L3MBTL4: variants seen among roughly 807,000 people sequenced by gnomAD.
L3MBTL4 encodes the protein lethal(3)malignant brain tumor-like protein 4.
L3MBTL4 carries 70 observed loss-of-function variants against 84.5 expected under a neutral mutation model. The observed-to-expected ratio is 0.83, with a 90% CI of 0.68 to 1.01. The LOEUF is 1.01. Ranked by LOEUF, L3MBTL4 falls within the 50% of genes least tolerant of loss-of-function variation. The probability of loss-of-function intolerance (pLI) is 0.00; values close to 1 mark genes in which losing one functional copy is unlikely to be tolerated. For missense variants in L3MBTL4, 715 were observed against 754.8 expected, an observed-to-expected ratio of 0.95 and a Z score of 0.62; for synonymous variants, 274 against 259.8, an observed-to-expected ratio of 1.05 and a Z score of -0.52.
At chr18:5,987,220 C>T (rs1312617540) in intron 16 of L3MBTL4, among the ~76,000 whole-genome samples, 1 of 152,174 alleles carries the variant, frequency 6.6e-6, no homozygotes, top group Non-Finnish European at 1.5e-5. Context: ...CTTTTGACTT[C>T]CCTAGGGAAG....
At chr18:6,172,308 A>C (rs572076884) in intron 12 of L3MBTL4, among the ~76,000 whole-genome samples, 3 of 152,194 alleles carry the variant, frequency 2.0e-5, no homozygotes, top group African/African-American at 7.2e-5. Flanking sequence ...CCATGTCAGC[A>C]TCATCAACAG....
chr18:6,030,505 T>G, intron 16 of L3MBTL4: 6 of 860,198 alleles, frequency 7.0e-6, no homozygotes, highest in Non-Finnish European at 8.1e-6. Context: ...GAGACTCTTT[T>G]TTTTTTTTTT....
chr18:6,309,459 A>G (rs574499748), intron 3 of L3MBTL4, among the ~76,000 whole-genome samples: 3 of 152,226 alleles, frequency 2.0e-5, no homozygotes, highest in Non-Finnish European at 4.4e-5. Context: ...GCCCTTTAAA[A>G]TATTATTTTG....
intron 16 of L3MBTL4, among the ~76,000 whole-genome samples, chr18:6,042,553 T>A (rs540807227): frequency 6.6e-6 from 1 of 152,286 alleles, no homozygotes; most frequent in South Asian, 2.1e-4. Context: ...TGTTATTCAA[T>A]CCAACACAAT....
chr18:6,343,904 C>A (rs1157033455), intron 1 of L3MBTL4, among the ~76,000 whole-genome samples: 1 of 148,378 alleles, frequency 6.7e-6, no homozygotes. Flanking sequence ...GCAGCAAAAG[C>A]AGTGCTAAAA....
intron 16 of L3MBTL4, among the ~76,000 whole-genome samples, chr18:6,006,786 A>G (rs2054506898): frequency 6.6e-6 from 1 of 152,212 alleles, no homozygotes. Flanking sequence ...GGAAGTTCAC[A>G]AATAGACCAA....
At chr18:6,134,546 T>A (rs1362668489) in intron 14 of L3MBTL4, among the ~76,000 whole-genome samples, 3 of 152,100 alleles carry the variant, frequency 2.0e-5, no homozygotes, top group African/African-American at 7.2e-5. Context: ...AGGTACTGGG[T>A]AAATACAGCT....
At chr18:6,100,749 T>C (rs1266581779) in intron 14 of L3MBTL4, among the ~76,000 whole-genome samples, 4 of 152,180 alleles carry the variant, frequency 2.6e-5, no homozygotes, top group Non-Finnish European at 5.9e-5. Flanking sequence ...CCATGTGGCT[T>C]CCATTGGCAC....
chr18:6,167,337 A>T (rs1425075790), intron 13 of L3MBTL4, among the ~76,000 whole-genome samples: 4 of 152,356 alleles, frequency 2.6e-5, no homozygotes, highest in African/African-American at 9.6e-5. Context: ...TGAGGCCAGC[A>T]TCATCCTGAT....
intron 14 of L3MBTL4, among the ~76,000 whole-genome samples, chr18:6,121,471 G>A (rs535598211): frequency 6.2e-4 from 94 of 152,286 alleles, no homozygotes; most frequent in African/African-American, 2.1e-3. Flanking sequence ...AAATGAGAAT[G>A]AGATGAAGGG....
At chr18:6,248,610 G>A (rs956587052) in intron 5 of L3MBTL4, among the ~76,000 whole-genome samples, 8 of 152,106 alleles carry the variant, frequency 5.3e-5, no homozygotes, top group East Asian at 1.9e-4. Flanking sequence ...TTATGCTTCC[G>A]AAGCTTCTTT....
chr18:6,353,747 A>G (rs992627817), intron 1 of L3MBTL4, among the ~76,000 whole-genome samples: 8 of 152,146 alleles, frequency 5.3e-5, no homozygotes, highest in African/African-American at 1.9e-4. Flanking sequence ...GATCTCTATA[A>G]TGAAAATTAT....
chr18:6,402,004 G>A (rs1233652828), intron 1 of L3MBTL4, among the ~76,000 whole-genome samples: 1 of 152,200 alleles, frequency 6.6e-6, no homozygotes, highest in Non-Finnish European at 1.5e-5. Context: ...ACTTCTCTAA[G>A]CCCATAGCTT....
intron 16 of L3MBTL4, chr18:6,032,244 T>A (rs1346353536): frequency 3.6e-6 from 3 of 830,634 alleles, no homozygotes; most frequent in Non-Finnish European, 2.9e-6. Flanking sequence ...CCCAAAGTGC[T>A]GGGATTACAG....
chr18:6,248,986 A>G (rs1185272519), intron 5 of L3MBTL4, among the ~76,000 whole-genome samples: 2 of 152,206 alleles, frequency 1.3e-5, no homozygotes, highest in East Asian at 1.9e-4. Flanking sequence ...ACAAACCCCA[A>G]AATGAAATGG....
chr18:6,322,493 G>GGAAA (rs1555728818), intron 1 of L3MBTL4, among the ~76,000 whole-genome samples: 1 of 143,054 alleles, frequency 7.0e-6, no homozygotes, highest in East Asian at 2.0e-4. Flanking sequence ...AAGGAAGGAA[G>GGAAA]GAAGGAAGGA....
At chr18:6,313,579 C>T (rs1271999256) in intron 1 of L3MBTL4, among the ~76,000 whole-genome samples, 1 of 152,132 alleles carries the variant, frequency 6.6e-6, no homozygotes, top group South Asian at 2.1e-4. Flanking sequence ...AACATCTATG[C>T]AAATGAACAG....
intron 4 of L3MBTL4, among the ~76,000 whole-genome samples, chr18:6,291,609 G>A (rs769204560): frequency 5.9e-5 from 9 of 152,036 alleles, no homozygotes; most frequent in African/African-American, 1.2e-4. Flanking sequence ...AAGGACATTC[G>A]CTTCAATAAA....
intron 10 of L3MBTL4, among the ~76,000 whole-genome samples, chr18:6,235,154 A>G (rs1289968908): frequency 3.3e-5 from 5 of 151,982 alleles, no homozygotes; most frequent in African/African-American, 4.8e-5. Context: ...AACATCACAC[A>G]CCGGGGCCTG....
Sources: allele counts gnomAD v4.1 joint callset (sites outside exome capture counted in the v4.1 genomes callset), GRCh38; gene constraint gnomAD v4.1.1; transcripts MANE v1.5; gene names NCBI Gene and HGNC (gene_info 2026-07-23, HGNC 2026-07-21).